Variants in RAB11A observed in about 807,000 individuals in gnomAD.
RAB11A encodes ras-related protein Rab-11A.
A neutral mutation model predicts 28.0 loss-of-function variants in RAB11A; 9 were observed. That is an observed-to-expected ratio of 0.32 (90% CI 0.19 to 0.56). The LOEUF is 0.56. Among genes scored for constraint, RAB11A ranks in the 20% least tolerant of loss-of-function variants. RAB11A has a pLI of 0.91. For synonymous variants in RAB11A, 85 were observed against 88.2 expected, an observed-to-expected ratio of 0.96 and a Z score of 0.20; for missense variants, 108 against 269.6, an observed-to-expected ratio of 0.40 and a Z score of 4.20.
At chr15:65,881,612 G>A (rs1378252160) in intron 4 of RAB11A, among the ~76,000 whole-genome samples, 7 of 152,074 alleles carry the variant, frequency 4.6e-5, no homozygotes, top group Non-Finnish European at 1.0e-4. Context: ...TCTTCCATCT[G>A]CAGTTAACTA....
chr15:65,878,105 C>A, intron 3 of RAB11A, 150 bp downstream of exon 3: 1 of 831,790 alleles, frequency 1.2e-6, no homozygotes, highest in Non-Finnish European at 2.0e-6. Context: ...GACTGTATAG[C>A]TTTTTTGCTT....
In RAB11A at chr15:65,869,564, C is replaced by A. The variant is rs200317180; in HGVS notation, c.-22C>A. On this transcript the variant is annotated 5_prime_UTR_variant, in exon 1 of 5. Coordinates refer to ENST00000261890, the MANE Select transcript of RAB11A (RefSeq NM_004663.5). ...CCACAGATACCACTGCTGCTCCCGC[C>A]CTTTCGCTCCTCGGCCGCGCAATGG... The A allele has an allele frequency of 1.2e-6, 2 of 1,609,596 alleles. No individual in the cohort carries two copies. The highest frequency in any genetic ancestry group is 4.5e-5 in the East Asian group (2 of 44,856).
chr15:65,874,194 G>C (rs2078178816), intron 1 of RAB11A, among the ~76,000 whole-genome samples: 1 of 151,492 alleles, frequency 6.6e-6, no homozygotes, highest in African/African-American at 2.4e-5. Context: ...TATTTGCGAT[G>C]ATACTCAAAT....
intron 4 of RAB11A, among the ~76,000 whole-genome samples, chr15:65,880,506 ATATAG>A (rs1171234259): frequency 2.0e-5 from 3 of 152,236 alleles, no homozygotes; most frequent in African/African-American, 7.2e-5. Flanking sequence ...TGGTCTTAAT[ATATAG>A]TATAGTTTTA....
chr15:65,875,828 C>T (rs1373319486), intron 1 of RAB11A, among the ~76,000 whole-genome samples: 2 of 152,206 alleles, frequency 1.3e-5, no homozygotes, highest in South Asian at 2.1e-4. Context: ...TCTTTCCACT[C>T]GTACCACCAT....
At chr15:65,886,632 C>T (rs1437217858) in intron 4 of RAB11A, among the ~76,000 whole-genome samples, 1 of 152,188 alleles carries the variant, frequency 6.6e-6, no homozygotes, top group African/African-American at 2.4e-5. Context: ...TCACAGGGAA[C>T]AACTTTTAGG....
At chr15:65,886,411 T>C (rs1437523328) in intron 4 of RAB11A, among the ~76,000 whole-genome samples, 2 of 152,236 alleles carry the variant, frequency 1.3e-5, no homozygotes, top group Admixed American at 6.5e-5. Flanking sequence ...ATGATTAAAT[T>C]AGTTTTAAAT....
At position 65,887,894 on chromosome 15, in the gene RAB11A, G is replaced by A. The variant is rs989580629; in HGVS notation, c.*54G>A. The A allele has an allele frequency of 7.1e-7, 1 of 1,413,698 alleles. No homozygotes were observed. The highest frequency in any genetic ancestry group is 1.5e-5 in the African/African-American group (1 of 67,112). 87.6% of individuals were successfully genotyped at this position (1,413,698 alleles called of 1,614,324 possible). A position where few individuals can be genotyped will look rare whatever the true frequency, so the allele number is the denominator to read the frequency against. On this transcript the variant is annotated 3_prime_UTR_variant, in exon 5 of 5. Coordinates refer to ENST00000261890, the MANE Select transcript of RAB11A (RefSeq NM_004663.5). Reference sequence around the variant, plus strand: ...TGTATAGTCCATTTCCCAGGTCTGAGATTTAAATATATTTGTAATTCTTGT... The same window carrying A: ...TGTATAGTCCATTTCCCAGGTCTGAAATTTAAATATATTTGTAATTCTTGT...
chr15:65,875,772 T>G (rs545069819), intron 1 of RAB11A, among the ~76,000 whole-genome samples: 4 of 152,362 alleles, frequency 2.6e-5, no homozygotes, highest in African/African-American at 9.6e-5. Context: ...TAATGGACTC[T>G]CTTTGCCCTC....
chr15:65,878,386 C>A (rs949673985), intron 3 of RAB11A, among the ~76,000 whole-genome samples: 7 of 152,110 alleles, frequency 4.6e-5, no homozygotes, highest in Non-Finnish European at 1.5e-5. Flanking sequence ...TGCATTGTGG[C>A]TAGTGAAAGT....
rs1372980297 is a variant in RAB11A at position 65,879,758 on chromosome 15, C to T, written c.511+7C>T. Reference sequence around the variant, plus strand: ...TTTCAGACAATTTTAACAGGTAAGACTTGTATTTTCAGATTACACCAGTAG... The same window carrying T: ...TTTCAGACAATTTTAACAGGTAAGATTTGTATTTTCAGATTACACCAGTAG... On this transcript the variant is annotated splice_region_variant and intron_variant, in intron 4 of 4. Coordinates refer to ENST00000261890, the MANE Select transcript of RAB11A (RefSeq NM_004663.5). 1.3e-6 allele frequency: 2 copies of T among 1,545,300 alleles called. No homozygotes were observed. The highest frequency in any genetic ancestry group is 2.3e-5 in the South Asian group (2 of 88,786).
rs1227146668 is a variant in RAB11A, at chr15:65,869,529, C to G, written c.-57C>G. On this transcript the variant is annotated 5_prime_UTR_variant, in exon 1 of 5. Transcript: ENST00000261890. ...CGCTCGGGTTACCCCTGCAGCGACG[C>G]CCCCTGGTCCCACAGATACCACTGC... 3.1e-6 allele frequency: 5 copies of G among 1,592,450 alleles called. No homozygotes were observed. Among genetic ancestry groups the G allele is most frequent in the Non-Finnish European group, 4.3e-6 (5 of 1,171,248 alleles).
intron 4 of RAB11A, among the ~76,000 whole-genome samples, chr15:65,886,410 T>C (rs1446601542): frequency 6.6e-6 from 1 of 152,224 alleles, no homozygotes; most frequent in Non-Finnish European, 1.5e-5. Context: ...CATGATTAAA[T>C]TAGTTTTAAA....
chr15:65,884,674 C>A (rs574525020), intron 4 of RAB11A, among the ~76,000 whole-genome samples: 36 of 151,452 alleles, frequency 2.4e-4, no homozygotes, highest in Non-Finnish European at 1.9e-4. Context: ...ATAAAAATGC[C>A]ACCAAAGCAA....
At position 65,877,417 on chromosome 15, in the gene RAB11A, C is replaced by T. The variant is rs896725986; in HGVS notation, c.126C>T (p.Ser42=). 18 of 1,613,970 alleles carry T rather than the reference C, an allele frequency of 1.1e-5. No individual in the cohort carries two copies. Among genetic ancestry groups the T allele is most frequent in the Non-Finnish European group, 1.4e-5 (16 of 1,179,900 alleles). ...TRNEFNLESK[S]TIGVEFATRS... ...ATGAGTTTAATCTGGAAAGCAAGAG[C>T]ACCATTGGAGTAGAGTTTGCAACAA... Residue 42 remains serine (S), a synonymous_variant, in exon 2 of 5, where the codon AGC becomes AGT. Coordinates refer to ENST00000261890, the MANE Select transcript of RAB11A (RefSeq NM_004663.5). This position sits in a 1 kb window ranked among gnomAD's most constrained non-coding sequence, Gnocchi z 4.1.
rs778537719 is a variant in RAB11A at position 65,887,764 on chromosome 15, G to A, written c.575G>A (p.Ser192Asn). ...AGACGCGAAAATGACATGTCTCCAA[G>A]CAACAATGTGGTTCCTATTCATGTT... ...SDRRENDMSP[S>N]NNVVPIHVPP... is the part of the protein sequence containing the mutation. Residue 192 changes from serine to asparagine, a missense_variant, in exon 5 of 5, where the codon AGC becomes AAC. Coordinates refer to ENST00000261890, the MANE Select transcript of RAB11A (RefSeq NM_004663.5). The A allele has an allele frequency of 8.7e-6, 14 of 1,613,510 alleles. No homozygotes were observed. The highest frequency in any genetic ancestry group is 6.7e-5 in the Admixed American group (4 of 59,940).
intron 4 of RAB11A, among the ~76,000 whole-genome samples, chr15:65,881,781 T>G (rs1176901537): frequency 4.8e-5 from 7 of 146,814 alleles, no homozygotes; most frequent in African/African-American, 1.8e-4. Context: ...AGCTCAAACA[T>G]CCTAACACCT....
intron 4 of RAB11A, 66 bp from the exon 5 acceptor site, chr15:65,887,635 G>A: frequency 7.0e-7 from 1 of 1,426,684 alleles, no homozygotes; most frequent in Non-Finnish European, 9.5e-7. Flanking sequence ...CTACCTTTAT[G>A]TATCTTTTAT....
intron 1 of RAB11A, among the ~76,000 whole-genome samples, chr15:65,874,191 G>C (rs971614324): frequency 6.6e-6 from 1 of 151,592 alleles, no homozygotes; most frequent in Non-Finnish European, 1.5e-5. Context: ...AGGTATTTGC[G>C]ATGATACTCA....
Sources: allele counts gnomAD v4.1 joint callset (sites outside exome capture counted in the v4.1 genomes callset), GRCh38; gene constraint gnomAD v4.1.1; non-coding constraint Gnocchi (gnomAD v3.1); transcripts MANE v1.5; gene names NCBI Gene and HGNC (gene_info 2026-07-23, HGNC 2026-07-21).